DPP6: variants seen among roughly 807,000 people sequenced by gnomAD.
The protein encoded by DPP6 is dipeptidyl peptidase like 6.
DPP6 carries 69 observed loss-of-function variants against 122.6 expected under a neutral mutation model. The ratio of observed to expected loss-of-function variants is 0.56; its 90% CI spans 0.46 to 0.69. The LOEUF is 0.69. Among genes scored for constraint, DPP6 ranks in the 30% least tolerant of loss-of-function variants. The pLI is 0.00. For missense variants in DPP6, 928 were observed against 1,116.9 expected (o/e 0.83, Z 2.41); for synonymous variants, 418 against 433.1 (o/e 0.97, Z 0.43).
At chr7:154,348,569 A>ACCTTCTTC (rs1395763888) in intron 1 of DPP6, among the ~76,000 whole-genome samples, 5 of 152,330 alleles carry the variant, frequency 3.3e-5, no homozygotes, top group South Asian at 2.1e-4. Context: ...TTTTAGACTC[A>ACCTTCTTC]TGAAAGGTAG....
intron 2 of DPP6, among the ~76,000 whole-genome samples, chr7:154,453,804 T>C (rs1820597059): frequency 2.6e-5 from 4 of 152,166 alleles, no homozygotes; most frequent in Admixed American, 2.6e-4. Context: ...CTGGTATGTC[T>C]ACTTTTATGC....
intron 1 of DPP6, among the ~76,000 whole-genome samples, chr7:154,183,711 A>G (rs1237382812): frequency 6.6e-6 from 1 of 152,208 alleles, no homozygotes; most frequent in African/African-American, 2.4e-5. Flanking sequence ...AGAACGACGG[A>G]CAATTAGGTC....
At chr7:154,506,455 T>C (rs1825673217) in intron 3 of DPP6, among the ~76,000 whole-genome samples, 1 of 152,170 alleles carries the variant, frequency 6.6e-6, no homozygotes, top group Admixed American at 6.5e-5. Flanking sequence ...TATTTCATAA[T>C]AATACAACTA....
chr7:154,566,279 C>T (rs1203667269), intron 4 of DPP6, among the ~76,000 whole-genome samples: 1 of 151,760 alleles, frequency 6.6e-6, no homozygotes, highest in African/African-American at 2.4e-5. Context: ...TCTTTTCTTG[C>T]TCTCTCTATT....
At chr7:154,515,332 T>A (rs1826402348) in intron 3 of DPP6, among the ~76,000 whole-genome samples, 2 of 152,210 alleles carry the variant, frequency 1.3e-5, no homozygotes, top group African/African-American at 4.8e-5. Flanking sequence ...ATGGAATAAT[T>A]GTCCTGTCCT....
At chr7:154,680,686 A>ATATATTT (rs372444601) in intron 7 of DPP6, among the ~76,000 whole-genome samples, 1 of 133,426 alleles carries the variant, frequency 7.5e-6, no homozygotes, top group East Asian at 2.3e-4. Context: ...TTATATATAT[A>ATATATTT]TTTTTTTTAA....
chr7:154,061,375 C>G (rs1208815347), intron 1 of DPP6, among the ~76,000 whole-genome samples: 1 of 147,114 alleles, frequency 6.8e-6, no homozygotes, highest in African/African-American at 2.5e-5. Context: ...GAAAAGATGG[C>G]AGCTGGACTT....
At chr7:153,919,590 G>A (rs1474938099) in intron 1 of DPP6, among the ~76,000 whole-genome samples, 4 of 152,170 alleles carry the variant, frequency 2.6e-5, no homozygotes, top group Non-Finnish European at 4.4e-5. Context: ...ATAAGAAAAA[G>A]TACACGTTAA....
At chr7:154,691,060 G>A (rs868067145) in intron 7 of DPP6, among the ~76,000 whole-genome samples, 2 of 152,302 alleles carry the variant, frequency 1.3e-5, no homozygotes, top group Middle Eastern at 3.4e-3. Context: ...CACCTGTGAC[G>A]AGCAACGTCA....
chr7:153,960,305 G>T (rs1049472754), intron 1 of DPP6, among the ~76,000 whole-genome samples: 1 of 152,038 alleles, frequency 6.6e-6, no homozygotes, highest in Admixed American at 6.6e-5. Context: ...TTTAAAATTG[G>T]AGTCAATCCT....
At chr7:154,805,840 C>T (rs1429109710) in intron 15 of DPP6, among the ~76,000 whole-genome samples, 11 of 152,194 alleles carry the variant, frequency 7.2e-5, no homozygotes, top group African/African-American at 7.2e-5. Context: ...CTGCCTCCCC[C>T]GTGCCTCTGC....
At chr7:154,584,779 C>A (rs556152089) in intron 5 of DPP6, among the ~76,000 whole-genome samples, 1 of 152,184 alleles carries the variant, frequency 6.6e-6, no homozygotes, top group Non-Finnish European at 1.5e-5. Context: ...TGCAGCCAGT[C>A]GCTACGATTA....
intron 1 of DPP6, among the ~76,000 whole-genome samples, chr7:154,088,284 A>G (rs1163086005): frequency 6.7e-6 from 1 of 150,204 alleles, no homozygotes; most frequent in Non-Finnish European, 1.5e-5. Context: ...CAGTAGCTGC[A>G]TTCCATTCTG....
the DPP6 span, among the ~76,000 whole-genome samples, chr7:153,828,446 G>A: frequency 6.6e-6 from 1 of 152,146 alleles, no homozygotes; most frequent in African/African-American, 2.4e-5. Flanking sequence ...TTTGTACTAT[G>A]ACTGCAATTC....
intron 1 of DPP6, among the ~76,000 whole-genome samples, chr7:154,107,287 A>G (rs1380977291): frequency 6.6e-6 from 1 of 152,242 alleles, no homozygotes; most frequent in African/African-American, 2.4e-5. Flanking sequence ...AATTGTGACA[A>G]CATGAATGAA....
At chr7:153,815,902 A>C in the DPP6 span, among the ~76,000 whole-genome samples, 1 of 152,222 alleles carries the variant, frequency 6.6e-6, no homozygotes, top group Non-Finnish European at 1.5e-5. Flanking sequence ...AATTAAGAGA[A>C]TATCACAAAT....
intron 1 of DPP6, chr7:154,305,420 C>A: frequency 8.0e-7 from 1 of 1,257,016 alleles, no homozygotes; most frequent in Middle Eastern, 2.2e-4. Flanking sequence ...CTTACCTTAC[C>A]GCTTGGACTC....
At chr7:153,889,507 C>T (rs891680977) in intron 1 of DPP6, among the ~76,000 whole-genome samples, 1 of 152,140 alleles carries the variant, frequency 6.6e-6, no homozygotes, top group African/African-American at 2.4e-5. Flanking sequence ...ATCAATCTAC[C>T]GCCAAATAAG....
At chr7:153,902,834 C>CAA (rs375475586) in intron 1 of DPP6, among the ~76,000 whole-genome samples, 1 of 143,242 alleles carries the variant, frequency 7.0e-6, no homozygotes. Context: ...GAAACCCCGT[C>CAA]AAAAAAAAAA....
Sources: allele counts gnomAD v4.1 joint callset (sites outside exome capture counted in the v4.1 genomes callset), GRCh38; gene constraint gnomAD v4.1.1; transcripts MANE v1.5; gene names NCBI Gene and HGNC (gene_info 2026-07-23, HGNC 2026-07-21).